ZMIZ1: variants seen among roughly 807,000 people sequenced by gnomAD.
ZMIZ1 encodes zinc finger MIZ-type containing 1.
A neutral mutation model predicts 113.9 loss-of-function variants in ZMIZ1; 17 were observed. That is an observed-to-expected ratio of 0.15 (90% confidence interval 0.10 to 0.22). The LOEUF is 0.22. Among genes scored for constraint, ZMIZ1 ranks in the 10% least tolerant of loss-of-function variants. ZMIZ1 has a pLI of 1.00. For missense variants in ZMIZ1, 1,059 were observed against 1,477.8 expected, an observed-to-expected ratio of 0.72 and a Z score of 4.65; for synonymous variants, 607 against 603.1, an observed-to-expected ratio of 1.01 and a Z score of -0.09.
At chr10:79,223,555 G>A (rs1230001315) in intron 7 of ZMIZ1, among the ~76,000 whole-genome samples, 1 of 152,212 alleles carries the variant, frequency 6.6e-6, no homozygotes, top group Non-Finnish European at 1.5e-5. Context: ...CTGACTCATG[G>A]TCAGATCTGT....
intron 4 of ZMIZ1, among the ~76,000 whole-genome samples, chr10:79,180,851 G>A (rs898168682): frequency 1.3e-5 from 2 of 152,212 alleles, no homozygotes; most frequent in South Asian, 4.1e-4. Context: ...GCTCAAGCCC[G>A]GTCTTCGGGG....
chr10:79,098,076 G>A (rs1273835051), intron 1 of ZMIZ1, among the ~76,000 whole-genome samples: 1 of 152,204 alleles, frequency 6.6e-6, no homozygotes, highest in Non-Finnish European at 1.5e-5. Flanking sequence ...GGAAGTCTGG[G>A]GCTTGGGGTT....
chr10:79,312,859 C>T lies in ZMIZ1; in HGVS notation c.*110C>T, dbSNP rs927684763. ...CTCAGACCGCCCCGCACCAGAGCCA[C>T]GGGCTGTGGGGCGGGGAGCCCTCCC... On this transcript the variant is annotated 3_prime_UTR_variant, in exon 25 of 25. Transcript: ENST00000334512. The T allele has an allele frequency of 8.5e-5, 88 of 1,030,296 alleles. No individual in the cohort carries two copies. Among genetic ancestry groups the T allele is most frequent in the South Asian group, 1.2e-4 (8 of 68,000 alleles). 63.8% of individuals were successfully genotyped at this position (1,030,296 alleles called of 1,614,324 possible). A position where few individuals can be genotyped will look rare whatever the true frequency, so the allele number is the denominator to read the frequency against.
At chr10:79,145,460 G>C (rs551058291) in intron 3 of ZMIZ1, among the ~76,000 whole-genome samples, 15 of 152,228 alleles carry the variant, frequency 9.9e-5, no homozygotes, top group African/African-American at 3.6e-4. Flanking sequence ...GGGTCTCCGG[G>C]TTCAAATCCC....
intron 4 of ZMIZ1, among the ~76,000 whole-genome samples, chr10:79,167,654 G>T (rs1846414669): frequency 6.6e-6 from 1 of 152,190 alleles, no homozygotes; most frequent in South Asian, 2.1e-4. Context: ...CAGTGCTTGA[G>T]GCTGCCCTGT....
chr10:79,193,076 G>C (rs969284282), intron 4 of ZMIZ1, among the ~76,000 whole-genome samples: 1 of 152,208 alleles, frequency 6.6e-6, no homozygotes, highest in African/African-American at 2.4e-5. Context: ...ACCGAGGTTT[G>C]GGAATGCGCG....
chr10:79,141,477 CTG>C (rs1419521509), intron 3 of ZMIZ1, among the ~76,000 whole-genome samples: 5 of 151,986 alleles, frequency 3.3e-5, no homozygotes, highest in Admixed American at 6.6e-5. Flanking sequence ...GGGTCTCACT[CTG>C]TCACTGTAAC....
At chr10:79,200,499 TCTC>T (rs1848029934) in intron 4 of ZMIZ1, among the ~76,000 whole-genome samples, 1 of 152,176 alleles carries the variant, frequency 6.6e-6, no homozygotes, top group Non-Finnish European at 1.5e-5. Flanking sequence ...AGCACTCCCT[TCTC>T]CTGCACTTCA....
At chr10:79,179,826 G>A (rs1847037029) in intron 4 of ZMIZ1, among the ~76,000 whole-genome samples, 1 of 152,252 alleles carries the variant, frequency 6.6e-6, no homozygotes, top group Admixed American at 6.5e-5. Context: ...GCAGAGGAGG[G>A]GCTGGCAAGG....
chr10:79,203,395 C>T (rs1018542819), intron 5 of ZMIZ1, among the ~76,000 whole-genome samples: 2 of 152,180 alleles, frequency 1.3e-5, no homozygotes, highest in Admixed American at 6.5e-5. Context: ...CTCTGTTCAC[C>T]GTGGCAGAAT....
chr10:79,298,374 A>G (rs1374279742), intron 14 of ZMIZ1, 32 bp from the exon 15 acceptor site: 35 of 1,598,368 alleles, frequency 2.2e-5, no homozygotes, highest in Non-Finnish European at 2.9e-5. Flanking sequence ...CCGTAATCCC[A>G]TAACTCGTGC....
intron 22 of ZMIZ1, among the ~76,000 whole-genome samples, chr10:79,306,986 G>C (rs1036316880): frequency 3.3e-5 from 5 of 152,208 alleles, no homozygotes; most frequent in African/African-American, 1.2e-4. Context: ...GCTTCTGCGG[G>C]TGTCATCCTG....
chr10:79,270,786 TA>T (rs1851901442), intron 7 of ZMIZ1, among the ~76,000 whole-genome samples: 1 of 152,116 alleles, frequency 6.6e-6, no homozygotes, highest in Non-Finnish European at 1.5e-5. Context: ...TCTTATCTAC[TA>T]AAAGCCAGGG....
intron 1 of ZMIZ1, among the ~76,000 whole-genome samples, chr10:79,105,763 C>T (rs1448772590): frequency 6.6e-6 from 1 of 152,154 alleles, no homozygotes; most frequent in East Asian, 1.9e-4. Context: ...ATATAAAGTT[C>T]TTTTAAAAAT....
chr10:79,198,237 C>T (rs141338908), intron 4 of ZMIZ1, among the ~76,000 whole-genome samples: 8 of 151,960 alleles, frequency 5.3e-5, no homozygotes, highest in Admixed American at 1.3e-4. Flanking sequence ...CCAGCCTGGG[C>T]GACAGACTCT....
chr10:79,286,311 C>G (rs1009988508), intron 8 of ZMIZ1, among the ~76,000 whole-genome samples: 2 of 152,226 alleles, frequency 1.3e-5, no homozygotes, highest in African/African-American at 4.8e-5. Context: ...CCAGGCATTC[C>G]CCCGGTGGTG....
In ZMIZ1 at chr10:79,238,190, A is replaced by T. The variant is rs894524154; in HGVS notation, c.280+21916A>T. On this transcript the variant is annotated intron_variant, in intron 7 of 24. Coordinates refer to ENST00000334512, the MANE Select transcript of ZMIZ1 (RefSeq NM_020338.4). The stretch of plus-strand genomic sequence containing the variant: ...CTCTCTTCTCCTCTAGCCTGGCAGG[A>T]TGCTTTCCTGGAACCCCAGTAACCT... 7.2e-5 allele frequency among the ~76,000 whole-genome samples: 11 copies of T among 151,896 alleles called. No individual in the cohort carries two copies. The East Asian group carries it at 7.8e-4, about 11-fold the overall frequency.
chr10:79,282,992 C>T (rs1852836218), intron 8 of ZMIZ1, among the ~76,000 whole-genome samples: 1 of 152,260 alleles, frequency 6.6e-6, no homozygotes, highest in African/African-American at 2.4e-5. Context: ...TTTCAACCTC[C>T]TTCTTCCAGA....
At chr10:79,305,650 G>A (rs374282052) in intron 21 of ZMIZ1, 49 bp downstream of exon 21, 207 of 1,591,236 alleles carry the variant, frequency 1.3e-4, no homozygotes, top group Non-Finnish European at 1.6e-4. Flanking sequence ...GACGAGGCCT[G>A]GATTAGAGCA....
Sources: gnomAD v4.1 joint callset for allele counts (sites outside exome capture counted in the v4.1 genomes callset) on GRCh38, gnomAD v4.1.1 for gene constraint, MANE v1.5 for transcripts, NCBI Gene and HGNC (gene_info 2026-07-23, HGNC 2026-07-21) for gene names.